Variants in PRAG1 observed in about 807,000 individuals in gnomAD.
PRAG1 encodes inactive tyrosine-protein kinase PRAG1.
A neutral mutation model predicts 95.6 loss-of-function variants in PRAG1; 110 were observed. That is an observed-to-expected ratio of 1.15 (90% CI 0.99 to 1.35). PRAG1 has a LOEUF of 1.35. Ranked by LOEUF, PRAG1 falls within the 40% of genes most tolerant of loss-of-function variation. The probability of loss-of-function intolerance (pLI) is 0.00; values close to 1 mark genes in which losing one functional copy is unlikely to be tolerated. For synonymous variants in PRAG1, 1,052 were observed against 819.4 expected (o/e 1.28, Z -4.85); for missense variants, 2,554 against 1,864.7 (o/e 1.37, Z -6.81).
intron 3 of PRAG1, among the ~76,000 whole-genome samples, chr8:8,371,677 C>A (rs1800211133): frequency 6.6e-6 from 1 of 152,036 alleles, no homozygotes; most frequent in Non-Finnish European, 1.5e-5. Context: ...CGAGACCAGC[C>A]TGGGAAACAT....
rs114026601 is a variant in PRAG1 at position 8,318,346 on chromosome 8, C to T, written c.4029G>A (p.Ser1343=). The T allele has an allele frequency of 4.6e-3, 7,398 of 1,613,992 alleles. 298 individuals carry two copies. The African/African-American group carries it at 0.087, about 19-fold the overall frequency. Reference sequence around the variant, plus strand: ...GCAGCGTGCCGCACAGCGCCTCCTCCGAGGTGCCCGGCTGCTGCACCAGCT... The same window carrying T: ...GCAGCGTGCCGCACAGCGCCTCCTCTGAGGTGCCCGGCTGCTGCACCAGCT... ...RRELVQQPGT[S]EEALCGTLHN... Residue 1343 remains serine (S), a synonymous_variant, in exon 6 of 6, where the codon TCG becomes TCA. Transcript: ENST00000615670. The surrounding 1 kb of genome is among the most constrained non-coding windows in gnomAD (Gnocchi z 4.2).
intron 3 of PRAG1, among the ~76,000 whole-genome samples, chr8:8,342,030 C>G (rs546947836): frequency 6.6e-6 from 1 of 152,092 alleles, no homozygotes; most frequent in Non-Finnish European, 1.5e-5. Context: ...ACTTGGGAGA[C>G]TGAGGCAGTA....
intron 4 of PRAG1, 66 bp downstream of exon 4, chr8:8,339,411 GC>G (rs1257908903): frequency 6.6e-7 from 1 of 1,523,420 alleles, no homozygotes. Context: ...AATCCCGCAA[GC>G]AACGCAGGAC....
chr8:8,318,641 G>A lies in PRAG1; in HGVS notation c.3734C>T (p.Ser1245Phe). Residue 1245 changes from serine to phenylalanine, a missense_variant, in exon 6 of 6, where the codon TCT becomes TTT. Ser to Phe is a radical substitution (Grantham distance 155). Transcript: ENST00000615670. This position sits in a 1 kb window ranked among gnomAD's most constrained non-coding sequence, Gnocchi z 4.2. The stretch of plus-strand genomic sequence containing the variant: ...ATCGAACTTGCGGTACTGGGAAGCA[G>A]ACACGATCTCGGGGGCCAGCCGGGC... ...SQARLAPEIV[S>F]ASQYRKFDEF... is the part of the protein sequence containing the mutation. 1 of 1,612,666 alleles carries A rather than the reference G, an allele frequency of 6.2e-7. No individual in the cohort carries two copies. The highest frequency in any genetic ancestry group is 1.1e-5 in the South Asian group (1 of 91,042).
intron 4 of PRAG1, among the ~76,000 whole-genome samples, chr8:8,335,214 C>T (rs934824877): frequency 6.6e-6 from 1 of 152,184 alleles, no homozygotes; most frequent in Non-Finnish European, 1.5e-5. Flanking sequence ...GATTTGCTCA[C>T]CAAATCATGC....
intron 5 of PRAG1, among the ~76,000 whole-genome samples, chr8:8,320,812 C>T (rs1798450004): frequency 6.6e-6 from 1 of 152,216 alleles, no homozygotes; most frequent in Non-Finnish European, 1.5e-5. Context: ...CTACTGCAAG[C>T]ACCTTTTCAC....
intron 3 of PRAG1, among the ~76,000 whole-genome samples, chr8:8,369,253 T>G (rs921384259): frequency 2.0e-5 from 3 of 152,082 alleles, no homozygotes; most frequent in African/African-American, 7.2e-5. Flanking sequence ...TATCCAACTC[T>G]GTGCTAAGGT....
At chr8:8,341,085 C>T (rs917399722) in intron 3 of PRAG1, among the ~76,000 whole-genome samples, 4 of 152,178 alleles carry the variant, frequency 2.6e-5, no homozygotes, top group African/African-American at 9.7e-5. Flanking sequence ...CATAACAACT[C>T]CTCAGTCTAG....
chr8:8,361,350 T>C (rs1367416621), intron 3 of PRAG1, among the ~76,000 whole-genome samples: 1 of 152,122 alleles, frequency 6.6e-6, no homozygotes, highest in African/African-American at 2.4e-5. Context: ...CTGGGTTATA[T>C]GGTGGGAGGA....
chr8:8,383,025 G>T lies in PRAG1; in HGVS notation c.-87-1191C>A, dbSNP rs1259147431. ...AAATCTTCCTTAAGAACATAAGGGT[G>T]AATAGGTTCTCATTAAATAGGGACC... On this transcript the variant is annotated intron_variant, in intron 1 of 5. Coordinates refer to ENST00000615670, the MANE Select transcript of PRAG1 (RefSeq NM_001080826.3). Among the ~76,000 whole-genome samples the T allele has an allele frequency of 2.6e-5, 4 of 152,190 alleles. No individual in the cohort carries two copies. The East Asian group carries it at 7.7e-4, about 29-fold the overall frequency.
At chr8:8,323,264 T>G (rs546937704) in intron 5 of PRAG1, among the ~76,000 whole-genome samples, 6 of 152,042 alleles carry the variant, frequency 3.9e-5, no homozygotes, top group Non-Finnish European at 8.8e-5. Flanking sequence ...GTTCTCATGA[T>G]AGTGAGTGAG....
At chr8:8,356,845 T>C (rs1451180672) in intron 3 of PRAG1, among the ~76,000 whole-genome samples, 1 of 152,160 alleles carries the variant, frequency 6.6e-6, no homozygotes, top group Non-Finnish European at 1.5e-5. Flanking sequence ...TATAGACTAA[T>C]GTAATAGACT....
intron 3 of PRAG1, among the ~76,000 whole-genome samples, chr8:8,348,962 T>C (rs1799431900): frequency 6.6e-6 from 1 of 152,202 alleles, no homozygotes; most frequent in African/African-American, 2.4e-5. Context: ...CACAGTGGCA[T>C]CTGGGAGAAT....
intron 5 of PRAG1, among the ~76,000 whole-genome samples, chr8:8,326,972 T>G (rs1208934942): frequency 6.6e-6 from 1 of 152,224 alleles, no homozygotes. Flanking sequence ...CTAGGTCGAA[T>G]GCTCCTTCTG....
At chr8:8,352,031 T>C (rs1799537476) in intron 3 of PRAG1, among the ~76,000 whole-genome samples, 1 of 152,208 alleles carries the variant, frequency 6.6e-6, no homozygotes, top group South Asian at 2.1e-4. Flanking sequence ...TTTGGTGACC[T>C]TGCTTTCAGA....
chr8:8,330,677 G>C (rs543779159), intron 4 of PRAG1, among the ~76,000 whole-genome samples: 26 of 152,314 alleles, frequency 1.7e-4, no homozygotes, highest in African/African-American at 5.3e-4. Flanking sequence ...CGAGCCAGAA[G>C]AGGGAAGATC....
chr8:8,365,532 G>A (rs890261522), intron 3 of PRAG1, among the ~76,000 whole-genome samples: 2 of 152,112 alleles, frequency 1.3e-5, no homozygotes, highest in African/African-American at 2.4e-5. Flanking sequence ...GCTGAGGCAG[G>A]AGAATCACTT....
At chr8:8,322,779 C>G (rs1277354695) in intron 5 of PRAG1, among the ~76,000 whole-genome samples, 1 of 152,214 alleles carries the variant, frequency 6.6e-6, no homozygotes, top group African/African-American at 2.4e-5. Flanking sequence ...ACTCTCTCAA[C>G]CAAGTGCCAA....
At chr8:8,371,527 A>G (rs891527717) in intron 3 of PRAG1, among the ~76,000 whole-genome samples, 1 of 151,982 alleles carries the variant, frequency 6.6e-6, no homozygotes, top group Admixed American at 6.5e-5. Context: ...CCAAAGTGCT[A>G]GGATTACAGG....
Sources: allele counts gnomAD v4.1 joint callset (sites outside exome capture counted in the v4.1 genomes callset), GRCh38; gene constraint gnomAD v4.1.1; non-coding constraint Gnocchi (gnomAD v3.1); transcripts MANE v1.5; gene names NCBI Gene and HGNC (gene_info 2026-07-23, HGNC 2026-07-21).